SPATS2L: variants seen among roughly 807,000 people sequenced by gnomAD.
SPATS2L encodes spermatogenesis associated serine rich 2 like, also known as SPATS2-like protein.
Under a neutral mutation model 59.6 loss-of-function variants are expected in SPATS2L, and 30 were observed. The ratio of observed to expected loss-of-function variants is 0.50; its 90% CI spans 0.38 to 0.68. SPATS2L has a LOEUF of 0.68. Among genes scored for constraint, SPATS2L ranks in the 30% least tolerant of loss-of-function variants. The pLI is 0.00. For synonymous variants in SPATS2L, 252 were observed against 263.5 expected (o/e 0.96, Z 0.42); for missense variants, 615 against 700.0 (o/e 0.88, Z 1.37).
At chr2:200,372,511 A>G (rs2081461384) in intron 2 of SPATS2L, among the ~76,000 whole-genome samples, 1 of 152,104 alleles carries the variant, frequency 6.6e-6, no homozygotes, top group Admixed American at 6.5e-5. Context: ...TAACGCACTG[A>G]GAAAATGTTG....
chr2:200,479,145 C>A lies in SPATS2L; in HGVS notation c.*1114C>A, dbSNP rs1574782588. 6.4e-6 allele frequency: 1 copy of A among 156,804 alleles called. No individual in the cohort carries two copies. Among genetic ancestry groups the A allele is most frequent in the Non-Finnish European group, 1.4e-5 (1 of 71,188 alleles). The allele number at this position is 156,804 out of a possible 1,614,324, so 9.7% of individuals were successfully genotyped here. A position where few individuals can be genotyped will look rare whatever the true frequency, so the allele number is the denominator to read the frequency against. On this transcript the variant is annotated 3_prime_UTR_variant, in exon 13 of 13. Transcript: ENST00000409140. ...CTCAAACCCCTGACCTCAGGTGATCCACCTGCTTTGGCCTCCGAAACTGCC... is the reference window on the plus strand; with the variant it reads ...CTCAAACCCCTGACCTCAGGTGATCAACCTGCTTTGGCCTCCGAAACTGCC...
In SPATS2L at chr2:200,329,461, A is replaced by G; in HGVS notation, c.-42A>G. 1 of 1,550,552 alleles carries G rather than the reference A, an allele frequency of 6.4e-7. No homozygotes were observed. ...TTCAGAAACCAGGCTGCTTTCAGGA[A>G]CATTGCTGTGGATTCCCAGGTGAGT... is the stretch of plus-strand genomic sequence containing the variant. On this transcript the variant is annotated 5_prime_UTR_variant, in exon 2 of 13. Transcript: ENST00000409140.
Position 200,439,252 on chromosome 2 carries a change from A to G in SPATS2L, c.576A>G (p.Ala192=), listed in dbSNP as rs772674084. ...CTTGTAACCCAAGCAAGCCTAAGGCAAAAACATCTCCTGTTAAGTCCAATA... is the reference window on the plus strand; with the variant it reads ...CTTGTAACCCAAGCAAGCCTAAGGCGAAAACATCTCCTGTTAAGTCCAATA... ...EQPCNPSKPK[A]KTSPVKSNTP... Residue 192 remains alanine, a synonymous_variant, in exon 7 of 13, where the codon GCA becomes GCG. Coordinates refer to ENST00000409140, the MANE Select transcript of SPATS2L (RefSeq NM_001100423.2). The G allele has an allele frequency of 1.2e-6, 2 of 1,613,762 alleles. No homozygotes were observed. The highest frequency in any genetic ancestry group is 1.1e-5 in the South Asian group (1 of 91,086).
At chr2:200,453,644 G>C (rs2085624350) in intron 8 of SPATS2L, among the ~76,000 whole-genome samples, 2 of 152,184 alleles carry the variant, frequency 1.3e-5, no homozygotes, top group African/African-American at 4.8e-5. Context: ...CCAGCTCAAG[G>C]CCCACGTGGT....
intron 3 of SPATS2L, chr2:200,393,193 A>G (rs1334698885): frequency 8.8e-6 from 4 of 456,608 alleles, no homozygotes; most frequent in South Asian, 4.6e-5. Context: ...AAGTTGGACC[A>G]TGGAAAGGAA....
intron 2 of SPATS2L, among the ~76,000 whole-genome samples, chr2:200,358,993 TAA>T (rs5837733): frequency 1.0e-4 from 15 of 150,322 alleles, no homozygotes; most frequent in Non-Finnish European, 1.2e-4. Flanking sequence ...CCCTGACTCT[TAA>T]AAAAAAAAAT....
chr2:200,324,939 A>T (rs2079684952), intron 1 of SPATS2L, among the ~76,000 whole-genome samples: 1 of 152,140 alleles, frequency 6.6e-6, no homozygotes, highest in Non-Finnish European at 1.5e-5. Flanking sequence ...ACCCGACTTG[A>T]TATTAAAGCC....
intron 2 of SPATS2L, among the ~76,000 whole-genome samples, chr2:200,346,976 T>C (rs754979233): frequency 2.0e-4 from 31 of 152,232 alleles, no homozygotes; most frequent in Non-Finnish European, 3.8e-4. Flanking sequence ...TATTTTTCAA[T>C]TGAGTAATAA....
Position 200,479,920 on chromosome 2 carries a change from CAGGA to C in SPATS2L, c.*1900_*1903del. The C allele has an allele frequency of 2.5e-6, 1 of 396,112 alleles. No individual in the cohort carries two copies. Among genetic ancestry groups the C allele is most frequent in the Non-Finnish European group, 4.4e-6 (1 of 225,148 alleles). 24.5% of individuals were successfully genotyped at this position (396,112 alleles called of 1,614,324 possible). ...AAATTCTTAACGTTAAGTCACATTC[CAGGA>C]AGGAAGGAAGAGTTGTTCGTTCAAA... On this transcript the variant is annotated 3_prime_UTR_variant, in exon 13 of 13. Coordinates refer to ENST00000409140, the MANE Select transcript of SPATS2L (RefSeq NM_001100423.2).
intron 2 of SPATS2L, among the ~76,000 whole-genome samples, chr2:200,344,423 A>G (rs1319875818): frequency 1.3e-5 from 2 of 152,166 alleles, no homozygotes; most frequent in African/African-American, 2.4e-5. Context: ...ATGGCTGCAT[A>G]GTATTCCATG....
Position 200,467,273 on chromosome 2 carries a change from T to C in SPATS2L, c.848-17T>C. On this transcript the variant is annotated splice_polypyrimidine_tract_variant and intron_variant, in intron 9 of 12. Transcript: ENST00000409140. ...TCAATCTCTGGCCCTAATGTATGACTCCTCCTTATTTGGCAGTGGAAATCC... is the reference window on the plus strand; with the variant it reads ...TCAATCTCTGGCCCTAATGTATGACCCCTCCTTATTTGGCAGTGGAAATCC... The C allele has an allele frequency of 6.4e-7, 1 of 1,555,326 alleles. No homozygotes were observed. The highest frequency in any genetic ancestry group is 8.9e-7 in the Non-Finnish European group (1 of 1,126,556).
chr2:200,443,868 A>G (rs1274104718), intron 8 of SPATS2L, among the ~76,000 whole-genome samples: 2 of 152,206 alleles, frequency 1.3e-5, no homozygotes, highest in African/African-American at 2.4e-5. Flanking sequence ...CTCTCTTCCA[A>G]CCGGGCTGTG....
Position 200,412,971 on chromosome 2 carries a change from G to C in SPATS2L, c.148+552G>C, listed in dbSNP as rs138638091. The stretch of plus-strand genomic sequence containing the variant: ...TCTTGGAGGCTGAGGTGGGAGGATG[G>C]CTTGAGCCCCTGAGGCAGAGGTTGC... On this transcript the variant is annotated intron_variant, in intron 4 of 12. Transcript: ENST00000409140. 3.0e-3 allele frequency among the ~76,000 whole-genome samples: 464 copies of C among 152,224 alleles called. 5 individuals are homozygous for C. Among genetic ancestry groups the C allele is most frequent in the African/African-American group, 0.011 (446 of 41,546 alleles).
chr2:200,308,239 GA>G (rs11400971), intron 1 of SPATS2L, among the ~76,000 whole-genome samples: 3 of 146,974 alleles, frequency 2.0e-5, no homozygotes, highest in Non-Finnish European at 1.5e-5. Flanking sequence ...TCTTCACTCT[GA>G]AAAAAAAAAA....
At chr2:200,314,893 C>T (rs1309665259) in intron 1 of SPATS2L, among the ~76,000 whole-genome samples, 3 of 152,096 alleles carry the variant, frequency 2.0e-5, no homozygotes, top group African/African-American at 2.4e-5. Context: ...CATGTTGAAA[C>T]AGCAATAGTT....
chr2:200,376,750 C>T (rs1006671238), intron 2 of SPATS2L, among the ~76,000 whole-genome samples: 40 of 152,190 alleles, frequency 2.6e-4, no homozygotes, highest in African/African-American at 9.4e-4. Flanking sequence ...CACAAATGAC[C>T]CTGTGGACAC....
chr2:200,328,759 T>C (rs943892729), intron 1 of SPATS2L, among the ~76,000 whole-genome samples: 5 of 152,198 alleles, frequency 3.3e-5, no homozygotes, highest in African/African-American at 1.2e-4. Flanking sequence ...GAGTGAGTGA[T>C]TGATTGGTTG....
intron 2 of SPATS2L, among the ~76,000 whole-genome samples, chr2:200,368,535 AT>A (rs2105886212): frequency 6.6e-6 from 1 of 152,296 alleles, no homozygotes; most frequent in African/African-American, 2.4e-5. Context: ...CCAAGAAAAG[AT>A]TGGTTGGTAA....
At chr2:200,456,790 A>G (rs2085862568) in intron 8 of SPATS2L, among the ~76,000 whole-genome samples, 1 of 152,102 alleles carries the variant, frequency 6.6e-6, no homozygotes, top group Non-Finnish European at 1.5e-5. Flanking sequence ...ATGCAGCAGT[A>G]TTTCCCTTAG....
Sources: allele counts gnomAD v4.1 joint callset (sites outside exome capture counted in the v4.1 genomes callset), GRCh38; gene constraint gnomAD v4.1.1; transcripts MANE v1.5; gene names NCBI Gene and HGNC (gene_info 2026-07-23, HGNC 2026-07-21).